Variants in PIK3C2B observed in about 807,000 individuals in gnomAD.
The protein encoded by PIK3C2B is phosphatidylinositol-4-phosphate 3-kinase catalytic subunit type 2 beta.
A neutral mutation model predicts 184.3 loss-of-function variants in PIK3C2B; 83 were observed. The ratio of observed to expected loss-of-function variants is 0.45; its 90% CI spans 0.38 to 0.54. The LOEUF (loss-of-function observed/expected upper bound fraction) is 0.54. Among genes scored for constraint, PIK3C2B ranks in the 20% least tolerant of loss-of-function variants. The pLI is 0.00. For synonymous variants in PIK3C2B, 779 were observed against 837.6 expected, an observed-to-expected ratio of 0.93 and a Z score of 1.21; for missense variants, 1,736 against 2,113.5, an observed-to-expected ratio of 0.82 and a Z score of 3.50.
chr1:204,480,113 A>C (rs1250035363), intron 1 of PIK3C2B, among the ~76,000 whole-genome samples: 5 of 152,178 alleles, frequency 3.3e-5, no homozygotes, highest in Non-Finnish European at 7.3e-5. Context: ...TTCCAAGGGG[A>C]TGAGGATGTA....
intron 2 of PIK3C2B, among the ~76,000 whole-genome samples, chr1:204,466,182 G>C (rs962274500): frequency 1.3e-4 from 20 of 152,204 alleles, no homozygotes; most frequent in African/African-American, 4.8e-4. Context: ...GTGCATGACA[G>C]GTTTCTGCCT....
intron 12 of PIK3C2B, among the ~76,000 whole-genome samples, chr1:204,451,263 G>T (rs1334185518): frequency 2.0e-5 from 3 of 152,234 alleles, no homozygotes; most frequent in Admixed American, 1.3e-4. Context: ...ATAGCAAAGG[G>T]GAGAGGGAGC....
At chr1:204,441,784 C>A (rs1301587941) in intron 20 of PIK3C2B, among the ~76,000 whole-genome samples, 2 of 152,200 alleles carry the variant, frequency 1.3e-5, no homozygotes, top group Admixed American at 6.5e-5. Context: ...AGCTCCAGCA[C>A]TTAACCTCCC....
intron 32 of PIK3C2B, among the ~76,000 whole-genome samples, 192 bp from the exon 33 acceptor site, chr1:204,425,232 T>G (rs1471758410): frequency 6.6e-6 from 1 of 152,114 alleles, no homozygotes; most frequent in African/African-American, 2.4e-5. Flanking sequence ...TAATGAACTC[T>G]GTTCTTTGCT....
At chr1:204,437,461 C>T (rs1675412266) in intron 23 of PIK3C2B, among the ~76,000 whole-genome samples, 1 of 151,932 alleles carries the variant, frequency 6.6e-6, no homozygotes, top group Non-Finnish European at 1.5e-5. Context: ...TGCCATTGCA[C>T]TCCGGCCTGG....
At chr1:204,443,637 G>T (rs1653572976) in intron 18 of PIK3C2B, 40 bp from the exon 19 acceptor site, 2 of 1,583,716 alleles carry the variant, frequency 1.3e-6, no homozygotes, top group Non-Finnish European at 1.7e-6. Flanking sequence ...GCACTCCAGG[G>T]ATCAAAGGCA....
chr1:204,446,023 T>C lies in PIK3C2B; in HGVS notation c.2611A>G (p.Ile871Val), dbSNP rs954455315. 30 of 1,604,460 alleles carry C rather than the reference T, an allele frequency of 1.9e-5. No homozygotes were observed. The highest frequency in any genetic ancestry group is 2.6e-5 in the Non-Finnish European group (30 of 1,173,534). The change falls in exon 16 of 33, where the codon ATC becomes GTC. Residue 871 changes from isoleucine (I) to valine (V), a missense_variant. By Grantham distance (29) the Ile-to-Val change is conservative. Around this residue, in one of 8 missense-constraint regions of PIK3C2B, gnomAD observed 609 missense variants for 699.2 expected, o/e 0.87. Transcript: ENST00000684373. ...PSWEWACLPD[I>V]YVLLKQWTHM... The stretch of plus-strand genomic sequence containing the variant: ...GTCCACTGCTTCAGGAGAACATAGA[T>C]GTCAGGCAGGCAAGCCCACTCCCAG...
At chr1:204,491,891 T>C (rs1489999563) in intron 1 of PIK3C2B, among the ~76,000 whole-genome samples, 1 of 152,234 alleles carries the variant, frequency 6.6e-6, no homozygotes, top group Admixed American at 6.5e-5. Context: ...AGCCAGCCTT[T>C]GGAAGGTGTT....
intron 20 of PIK3C2B, among the ~76,000 whole-genome samples, 165 bp downstream of exon 20, chr1:204,442,361 C>G (rs1675712356): frequency 6.6e-6 from 1 of 152,138 alleles, no homozygotes; most frequent in African/African-American, 2.4e-5. Flanking sequence ...TGGGGGTGAG[C>G]TGAGACCCCT....
At chr1:204,442,704 G>T in intron 19 of PIK3C2B, 71 bp from the exon 20 acceptor site, 2 of 1,060,838 alleles carry the variant, frequency 1.9e-6, no homozygotes, top group South Asian at 1.4e-5. Flanking sequence ...CCTCTCCCAG[G>T]GGTGGGTTCT....
chr1:204,488,606 T>C (rs937083723), intron 1 of PIK3C2B, among the ~76,000 whole-genome samples: 3 of 152,170 alleles, frequency 2.0e-5, no homozygotes, highest in Non-Finnish European at 4.4e-5. Context: ...CAATGTACAA[T>C]GGTGGAATGA....
Position 204,469,608 on chromosome 1 carries a change from T to C in PIK3C2B, c.195A>G (p.Val65=). 1 of 1,604,476 alleles carries C rather than the reference T, an allele frequency of 6.2e-7. No individual in the cohort carries two copies. Among genetic ancestry groups the C allele is most frequent in the Non-Finnish European group, 8.5e-7 (1 of 1,174,626 alleles). Residue 65 remains valine, a synonymous_variant, in exon 2 of 33, where the codon GTA becomes GTG. Transcript: ENST00000684373. ...PSLISWDEPG[V]DFYSKPAGRR... ...TTCCTGCTGGCTTGCTGTAAAAGTC[T>C]ACCCCAGGCTCATCCCAGCTGATGA...
intron 24 of PIK3C2B, 53 bp downstream of exon 24, chr1:204,434,386 G>C: frequency 4.5e-6 from 7 of 1,543,298 alleles, no homozygotes; most frequent in Non-Finnish European, 6.3e-6. Context: ...CTGAACCACT[G>C]TTGCTCACCT....
chr1:204,482,919 C>T (rs958519622), intron 1 of PIK3C2B, among the ~76,000 whole-genome samples: 2 of 152,144 alleles, frequency 1.3e-5, no homozygotes, highest in Non-Finnish European at 2.9e-5. Context: ...AAGGACTGCC[C>T]ATGTCAGCCT....
intron 1 of PIK3C2B, among the ~76,000 whole-genome samples, chr1:204,483,551 G>T (rs181368873): frequency 1.8e-4 from 28 of 152,214 alleles, no homozygotes; most frequent in African/African-American, 6.5e-4. Context: ...CTTTTGCTTT[G>T]GATATTAACT....
chr1:204,459,358 T>C (rs1485824904), intron 8 of PIK3C2B, among the ~76,000 whole-genome samples: 1 of 152,232 alleles, frequency 6.6e-6, no homozygotes, highest in Non-Finnish European at 1.5e-5. Flanking sequence ...TTCTTTGGCG[T>C]TGTGACATTT....
chr1:204,488,607 G>A (rs1238903055), intron 1 of PIK3C2B, among the ~76,000 whole-genome samples: 1 of 152,134 alleles, frequency 6.6e-6, no homozygotes, highest in Non-Finnish European at 1.5e-5. Context: ...AATGTACAAT[G>A]GTGGAATGAA....
intron 29 of PIK3C2B, among the ~76,000 whole-genome samples, chr1:204,428,575 G>A (rs1282141951): frequency 6.6e-6 from 1 of 152,094 alleles, no homozygotes. Context: ...ACCTAGGCTG[G>A]AGTGCAGTGG....
At chr1:204,491,472 C>T (rs920184362) in intron 1 of PIK3C2B, among the ~76,000 whole-genome samples, 1 of 151,990 alleles carries the variant, frequency 6.6e-6, no homozygotes, top group African/African-American at 2.4e-5. Context: ...GCAGGAGGTT[C>T]CTTTGAGGCC....
Sources: gnomAD v4.1 joint callset for allele counts (sites outside exome capture counted in the v4.1 genomes callset) on GRCh38, gnomAD v4.1.1 for gene constraint, gnomAD v4.1.1 regional missense constraint, MANE v1.5 for transcripts, NCBI Gene and HGNC (gene_info 2026-07-23, HGNC 2026-07-21) for gene names.